KDM5C: variants seen among roughly 807,000 people sequenced by gnomAD.
The protein encoded by KDM5C is lysine-specific demethylase 5C.
In KDM5C, 16 loss-of-function variants were observed where a neutral mutation model predicts 110.6. The ratio of observed to expected loss-of-function variants is 0.14; its 90% CI spans 0.10 to 0.22. The LOEUF is 0.22. KDM5C is among the 10% of genes least tolerant of loss of function. The pLI, the probability that KDM5C is intolerant of heterozygous loss-of-function variation, is 1.00. For synonymous variants in KDM5C, 511 were observed against 520.4 expected (o/e 0.98, Z 0.24); for missense variants, 681 against 1,300.9 (o/e 0.52, Z 7.33).
chrX:53,218,111 T>C, intron 3 of KDM5C, 145 bp from the exon 4 acceptor site: 2 of 889,406 alleles, frequency 2.2e-6, no homozygotes, highest in African/African-American at 2.0e-5. Flanking sequence ...CAACCTCAAA[T>C]TGCAGCAAAA....
At chrX:53,180,719 C>CT (rs1173641591) in intron 25 of KDM5C, among the ~76,000 whole-genome samples, 20,649 of 30,116 alleles carry the variant, frequency 0.69, 9,400 homozygotes, top group Non-Finnish European at 0.88. Flanking sequence ...CCACACCCGG[C>CT]TTTTTTTTTT....
chrX:53,198,752 C>T lies in KDM5C; in HGVS notation c.2368+12G>A, dbSNP rs1556839919. On this transcript the variant is annotated intron_variant, in intron 16 of 25. Transcript: ENST00000375401. ...TTGCCTGTGGAGTCCCTCCATCCCC[C>T]CCATCACTCACTGCGCTTCCGCCCA... is the stretch of plus-strand genomic sequence containing the variant. The T allele has an allele frequency of 4.1e-6, 5 of 1,210,568 alleles. No individual in the cohort carries two copies. Among genetic ancestry groups the T allele is most frequent in the South Asian group, 1.8e-5 (1 of 56,897 alleles).
chrX:53,210,567 C>T lies in KDM5C; in HGVS notation c.1593G>A (p.Pro531=), dbSNP rs782494226. The T allele has an allele frequency of 5.0e-6, 6 of 1,211,881 alleles. No individual in the cohort carries two copies. The highest frequency in any genetic ancestry group is 3.5e-5 in the African/African-American group (2 of 57,813). ...YSINYLHWGE[P]KTWYGVPSLA... ...GTGAGGGCACCCCATACCAGGTCTT[C>T]GGCTCACCCCTGCACAAGTGGAAAA... The change falls in exon 12 of 26, where the codon CCG becomes CCA. Residue 531 remains proline (P), a synonymous_variant. Coordinates refer to ENST00000375401, the MANE Select transcript of KDM5C (RefSeq NM_004187.5).
chrX:53,215,125 A>G (rs782513251), intron 7 of KDM5C: 11 of 466,781 alleles, frequency 2.4e-5, no homozygotes, highest in Non-Finnish European at 3.9e-5. Context: ...CCTTCCAAGT[A>G]TATACAGTAC....
chrX:53,205,080 C>G (rs1569268985), intron 12 of KDM5C, among the ~76,000 whole-genome samples: 1 of 111,986 alleles, frequency 8.9e-6, no homozygotes, highest in Non-Finnish European at 1.9e-5. Flanking sequence ...AGTTTCAGTA[C>G]AGAATGGAAG....
chrX:53,224,664 G>GC, intron 1 of KDM5C, 76 bp downstream of exon 1: 1 of 1,151,096 alleles, frequency 8.7e-7, no homozygotes, highest in Non-Finnish European at 1.2e-6. Flanking sequence ...GCTGCCCTCC[G>GC]CCCCAGACTT....
At chrX:53,200,449 G>A (rs782793817) in intron 14 of KDM5C, among the ~76,000 whole-genome samples, 91 of 111,555 alleles carry the variant, frequency 8.2e-4, no homozygotes, top group African/African-American at 2.9e-3. Context: ...AAGATGAGAA[G>A]GTCTATTCTC....
At position 53,193,795 on chromosome X, in the gene KDM5C, C is replaced by T. The variant is rs782341566; in HGVS notation, c.4095G>A (p.Pro1365=). 3.3e-6 allele frequency: 4 copies of T among 1,210,640 alleles called. No homozygotes were observed. Among genetic ancestry groups the T allele is most frequent in the South Asian group, 1.8e-5 (1 of 56,959 alleles). ...DSVTSPEKVA[P]EEGSGKRDLE... ...TACCTCTCTTACCTGAGCCCTCCTC[C>T]GGGGCTACCTTCTCAGGACTGGTCA... The change falls in exon 24 of 26, where the codon CCG becomes CCA. Residue 1365 remains proline, a synonymous_variant. Coordinates refer to ENST00000375401, the MANE Select transcript of KDM5C (RefSeq NM_004187.5).
intron 2 of KDM5C, among the ~76,000 whole-genome samples, chrX:53,220,498 G>T (rs782056918): frequency 8.9e-6 from 1 of 112,376 alleles, no homozygotes; most frequent in African/African-American, 3.2e-5. Flanking sequence ...AAGGAAGAAG[G>T]GGTATCAGCC....
At chrX:53,207,647 T>C (rs1556846261) in intron 12 of KDM5C, among the ~76,000 whole-genome samples, 1 of 112,105 alleles carries the variant, frequency 8.9e-6, no homozygotes, top group African/African-American at 3.2e-5. Flanking sequence ...GAGGACATGT[T>C]TATTTTATAA....
intron 12 of KDM5C, among the ~76,000 whole-genome samples, chrX:53,204,247 T>C (rs1316599814): frequency 9.0e-5 from 9 of 99,646 alleles, no homozygotes; most frequent in Non-Finnish European, 1.6e-4. Flanking sequence ...CCTTTTTTTT[T>C]TTTTTTTTTT....
chrX:53,206,863 CAAAAAAAAAAAAAAAAAAA>C (rs58880985), intron 12 of KDM5C, among the ~76,000 whole-genome samples: 3 of 22,329 alleles, frequency 1.3e-4, no homozygotes, highest in African/African-American at 7.0e-4. Context: ...GATTCCTTCT[CAAAAAAAAAAAAAAAAAAA>C]AAAAAAAAAA....
chrX:53,210,070 T>C (rs782177399), intron 12 of KDM5C, among the ~76,000 whole-genome samples: 2 of 112,422 alleles, frequency 1.8e-5, no homozygotes, highest in East Asian at 5.5e-4. Flanking sequence ...ACCAAGTTTT[T>C]ACTAACAGAA....
At chrX:53,220,252 C>T (rs1391809219) in intron 2 of KDM5C, among the ~76,000 whole-genome samples, 3 of 111,596 alleles carry the variant, frequency 2.7e-5, no homozygotes, top group Non-Finnish European at 5.6e-5. Flanking sequence ...GCAGGAAAAA[C>T]CCCACCTGTC....
chrX:53,203,323 T>C (rs1480308119), intron 12 of KDM5C, among the ~76,000 whole-genome samples: 1 of 111,794 alleles, frequency 8.9e-6, no homozygotes, highest in Non-Finnish European at 1.9e-5. Flanking sequence ...TATCTTGGTA[T>C]GAATTTCTTT....
chrX:53,220,992 C>T (rs1403348744), intron 1 of KDM5C, 76 bp from the exon 2 acceptor site: 4 of 880,610 alleles, frequency 4.5e-6, no homozygotes, highest in Non-Finnish European at 6.7e-6. Context: ...AAAAGCAGCT[C>T]GGAATCCCAC....
At chrX:53,218,131 A>G in intron 3 of KDM5C, 145 bp downstream of exon 3, 1 of 869,034 alleles carries the variant, frequency 1.2e-6, no homozygotes, top group Non-Finnish European at 1.7e-6. Flanking sequence ...AGATTCCAAG[A>G]TGTTCTGATG....
At chrX:53,181,015 A>G (rs1934030751) in intron 25 of KDM5C, among the ~76,000 whole-genome samples, 1 of 108,832 alleles carries the variant, frequency 9.2e-6, no homozygotes, top group Admixed American at 9.9e-5. Context: ...GAGGGGTTTC[A>G]CCATGTGGGC....
intron 17 of KDM5C, among the ~76,000 whole-genome samples, chrX:53,198,132 A>C (rs1602173657): frequency 8.9e-6 from 1 of 111,982 alleles, no homozygotes; most frequent in Admixed American, 9.4e-5. Flanking sequence ...TGAACTCTAA[A>C]GCTGTGTTAG....
Sources: allele counts gnomAD v4.1 joint callset (sites outside exome capture counted in the v4.1 genomes callset), GRCh38; gene constraint gnomAD v4.1.1; transcripts MANE v1.5; gene names NCBI Gene and HGNC (gene_info 2026-07-23, HGNC 2026-07-21).